The following ZMYND11 variants were observed in gnomAD, a reference collection of about 807,000 sequenced individuals.
The protein encoded by ZMYND11 is zinc finger MYND domain-containing protein 11.
ZMYND11 carries 9 observed loss-of-function variants against 84.9 expected under a neutral mutation model. The observed-to-expected ratio is 0.11, with a 90% CI of 0.06 to 0.18. The LOEUF (loss-of-function observed/expected upper bound fraction) is 0.18. ZMYND11 is among the 10% of genes least tolerant of loss of function. The pLI is 1.00. For synonymous variants in ZMYND11, 250 were observed against 244.1 expected (o/e 1.02, Z -0.23); for missense variants, 409 against 761.0 (o/e 0.54, Z 5.44).
At chr10:175,968 T>G (rs1846522777) in intron 1 of ZMYND11, among the ~76,000 whole-genome samples, 1 of 152,202 alleles carries the variant, frequency 6.6e-6, no homozygotes, top group South Asian at 2.1e-4. Context: ...CCATCTCTCT[T>G]CCCTGCACCC....
intron 2 of ZMYND11, among the ~76,000 whole-genome samples, chr10:190,416 G>A (rs1257476372): frequency 2.0e-5 from 3 of 152,074 alleles, no homozygotes; most frequent in Non-Finnish European, 4.4e-5. Context: ...CTCTCCTTAG[G>A]CTCCGGCTGG....
chr10:249,372 C>A, intron 14 of ZMYND11: 1 of 1,139,310 alleles, frequency 8.8e-7, no homozygotes, highest in Non-Finnish European at 1.1e-6. Context: ...TCCATCTATG[C>A]ATATATTTTA....
chr10:181,175 A>G (rs180732923), intron 2 of ZMYND11, among the ~76,000 whole-genome samples: 16 of 152,350 alleles, frequency 1.1e-4, no homozygotes, highest in Non-Finnish European at 1.9e-4. Context: ...TACTTTTCAC[A>G]TTCTTTAGAT....
At position 252,257 on chromosome 10, in the gene ZMYND11, T is replaced by C; in HGVS notation, c.1687-91T>C. 1 of 1,471,436 alleles carries C rather than the reference T, an allele frequency of 6.8e-7. No individual in the cohort carries two copies. The highest frequency in any genetic ancestry group is 9.2e-7 in the Non-Finnish European group (1 of 1,082,446). The allele number at this position is 1,471,436 out of a possible 1,614,324, so 91.1% of individuals were successfully genotyped here. ...AAAAGGTTGAGCCAGAAAGATCTTT[T>C]AAAAGCACCACCTCAAGAGTTTGCC... On this transcript the variant is annotated intron_variant, in intron 14 of 14. Transcript: ENST00000381604. This position sits in a 1 kb window ranked among gnomAD's most constrained non-coding sequence, Gnocchi z 4.6.
intron 2 of ZMYND11, among the ~76,000 whole-genome samples, chr10:205,459 G>T (rs1292351371): frequency 6.6e-6 from 1 of 152,132 alleles, no homozygotes; most frequent in Non-Finnish European, 1.5e-5. Context: ...AGAGGCTGAG[G>T]TGGGAGGATG....
upstream of ZMYND11, among the ~76,000 whole-genome samples, chr10:133,827 A>T (rs1437778571): frequency 6.6e-6 from 1 of 152,142 alleles, no homozygotes; most frequent in Non-Finnish European, 1.5e-5. Flanking sequence ...TTATTCTGTG[A>T]TGTTCTTTGA....
chr10:223,209 T>C (rs1947448616), intron 4 of ZMYND11, among the ~76,000 whole-genome samples: 1 of 152,086 alleles, frequency 6.6e-6, no homozygotes. Flanking sequence ...TTTGTATTTT[T>C]AGTAGAGACG....
chr10:185,182 C>T (rs561332459), intron 2 of ZMYND11, among the ~76,000 whole-genome samples: 16 of 152,098 alleles, frequency 1.1e-4, no homozygotes, highest in African/African-American at 3.1e-4. Flanking sequence ...TGCTTTCCAG[C>T]GAGTCTTTGT....
intron 2 of ZMYND11, among the ~76,000 whole-genome samples, chr10:185,337 G>A (rs1304063782): frequency 6.6e-6 from 1 of 151,774 alleles, no homozygotes; most frequent in Non-Finnish European, 1.5e-5. Context: ...ATAGGAGTTC[G>A]CATGACCTAA....
intron 1 of ZMYND11, among the ~76,000 whole-genome samples, chr10:168,923 T>G (rs1197424127): frequency 6.6e-6 from 1 of 152,126 alleles, no homozygotes; most frequent in East Asian, 1.9e-4. Context: ...AGGGACCCAG[T>G]CACGGGGGAG....
rs536615862 is a variant in ZMYND11 at position 206,412 on chromosome 10, C to G, written c.117-3477C>G. ...TCTTATTAGTTAGGTCTTCTATAGC[C>G]ATACTTAGTTTTTTGTCCAGTTGAC... On this transcript the variant is annotated intron_variant, in intron 2 of 14. Coordinates refer to ENST00000381604, the MANE Select transcript of ZMYND11 (RefSeq NM_001370100.5). Among the ~76,000 whole-genome samples the G allele has an allele frequency of 2.2e-4, 33 of 152,260 alleles. No individual in the cohort carries two copies. The East Asian group carries it at 5.6e-3, about 26-fold the overall frequency.
chr10:216,775 CT>C (rs1396716787), intron 3 of ZMYND11, among the ~76,000 whole-genome samples: 1 of 151,938 alleles, frequency 6.6e-6, no homozygotes, highest in East Asian at 1.9e-4. Context: ...GTTATATACT[CT>C]TTTAAGTTTA....
At chr10:244,394 G>A (rs1303970264) in intron 10 of ZMYND11, 1 of 152,186 alleles carries the variant, frequency 6.6e-6, no homozygotes, top group Non-Finnish European at 1.5e-5. Context: ...GCTGCTCGTC[G>A]GAGACAATGA....
At chr10:240,837 A>C in intron 8 of ZMYND11, 56 bp from the exon 9 acceptor site, 1 of 1,214,128 alleles carries the variant, frequency 8.2e-7, no homozygotes, top group Non-Finnish European at 1.2e-6. Context: ...CATTTTATAT[A>C]GTTTAATGTG....
At chr10:241,889 C>CGTAT in intron 9 of ZMYND11, 132 bp from the exon 10 acceptor site, 2 of 1,121,236 alleles carry the variant, frequency 1.8e-6, no homozygotes, top group Middle Eastern at 3.0e-4. Context: ...AAAAAAATCT[C>CGTAT]GTATGTGTTT....
At chr10:174,782 A>C (rs1333314554) in intron 1 of ZMYND11, among the ~76,000 whole-genome samples, 2 of 151,796 alleles carry the variant, frequency 1.3e-5, no homozygotes, top group Admixed American at 1.3e-4. Flanking sequence ...CATGCTTGTC[A>C]TTCATACATT....
At chr10:153,954 GAC>G (rs1841039726) in intron 1 of ZMYND11, among the ~76,000 whole-genome samples, 1 of 152,178 alleles carries the variant, frequency 6.6e-6, no homozygotes, top group Admixed American at 6.5e-5. Context: ...TTGAACATGA[GAC>G]AGCCAGCACT....
At chr10:171,209 A>G (rs1588628750) in intron 1 of ZMYND11, among the ~76,000 whole-genome samples, 1 of 152,164 alleles carries the variant, frequency 6.6e-6, no homozygotes. Context: ...AAATAAATGA[A>G]TCCACTACTA....
intron 1 of ZMYND11, among the ~76,000 whole-genome samples, chr10:176,104 C>G (rs1182158538): frequency 1.3e-5 from 2 of 152,070 alleles, no homozygotes; most frequent in Non-Finnish European, 2.9e-5. Context: ...GACGTGTTTT[C>G]TCCTTTATTC....
Sources: allele counts gnomAD v4.1 joint callset (sites outside exome capture counted in the v4.1 genomes callset), GRCh38; gene constraint gnomAD v4.1.1; non-coding constraint Gnocchi (gnomAD v3.1); transcripts MANE v1.5; gene names NCBI Gene and HGNC (gene_info 2026-07-23, HGNC 2026-07-21).